The following SVOPL variants were observed in gnomAD, a reference collection of about 807,000 sequenced individuals.
The protein encoded by SVOPL is SVOP like, also known as putative transporter SVOPL.
Under a neutral mutation model 61.0 loss-of-function variants are expected in SVOPL, and 60 were observed. The observed-to-expected ratio is 0.98, with a 90% CI of 0.80 to 1.22. The LOEUF (loss-of-function observed/expected upper bound fraction) is 1.22. Among genes scored for constraint, SVOPL ranks in the 50% most tolerant of loss-of-function variants. SVOPL has a pLI of 0.00. For synonymous variants in SVOPL, 279 were observed against 250.0 expected (o/e 1.12, Z -1.09); for missense variants, 662 against 643.9 (o/e 1.03, Z -0.30).
chr7:138,691,228 G>C (rs1278269501), intron 1 of SVOPL, among the ~76,000 whole-genome samples: 1 of 152,118 alleles, frequency 6.6e-6, no homozygotes, highest in East Asian at 1.9e-4. Flanking sequence ...TAGTATCTAG[G>C]AATAAAACGA....
chr7:138,638,215 G>C (rs1800592587), intron 9 of SVOPL, among the ~76,000 whole-genome samples: 1 of 146,136 alleles, frequency 6.8e-6, no homozygotes, highest in Non-Finnish European at 1.5e-5. Flanking sequence ...GGAGGTTTCA[G>C]TGTGCCGAGA....
chr7:138,696,030 C>T (rs1803057998), intron 1 of SVOPL, among the ~76,000 whole-genome samples: 1 of 152,174 alleles, frequency 6.6e-6, no homozygotes, highest in African/African-American at 2.4e-5. Flanking sequence ...GATCTGCCCA[C>T]CTTGGCCTCC....
intron 3 of SVOPL, 40 bp from the exon 4 acceptor site, chr7:138,672,157 C>T (rs1421753200): frequency 6.6e-7 from 1 of 1,521,948 alleles, no homozygotes; most frequent in East Asian, 2.5e-5. Context: ...TAAGTGCCAG[C>T]TTGTCATCAC....
At chr7:138,647,101 C>T (rs1353913670) in intron 8 of SVOPL, among the ~76,000 whole-genome samples, 4 of 152,176 alleles carry the variant, frequency 2.6e-5, no homozygotes, top group African/African-American at 9.7e-5. Context: ...GATGGCCGGG[C>T]GCAGTGGCTC....
intron 5 of SVOPL, chr7:138,661,273 C>T (rs994880466): frequency 9.6e-5 from 95 of 985,270 alleles, no homozygotes; most frequent in Non-Finnish European, 1.0e-4. Context: ...AGGCACGTGA[C>T]TTTGAGCACG....
intron 3 of SVOPL, among the ~76,000 whole-genome samples, chr7:138,677,900 T>C (rs1303374321): frequency 6.6e-6 from 1 of 152,106 alleles, no homozygotes; most frequent in African/African-American, 2.4e-5. Flanking sequence ...GTAGCTGGGA[T>C]TACAGGCACC....
At chr7:138,623,834 T>TC (rs1413519304) in intron 13 of SVOPL, among the ~76,000 whole-genome samples, 3 of 152,198 alleles carry the variant, frequency 2.0e-5, no homozygotes, top group Non-Finnish European at 4.4e-5. Flanking sequence ...ATTTTTTTTT[T>TC]CTTTTTGAGA....
chr7:138,642,290 A>C (rs976570530), intron 9 of SVOPL, among the ~76,000 whole-genome samples: 4 of 19,320 alleles, frequency 2.1e-4, no homozygotes, highest in South Asian at 1.8e-3. Context: ...AATTAGCCAA[A>C]AAAAAAAAAA....
chr7:138,607,816 G>A (rs568395216), intron 14 of SVOPL, among the ~76,000 whole-genome samples: 56 of 152,198 alleles, frequency 3.7e-4, no homozygotes, highest in Middle Eastern at 3.4e-3. Flanking sequence ...CAGCATCAAG[G>A]GATAAATAGA....
At chr7:138,648,849 G>C (rs567291273) in intron 8 of SVOPL, among the ~76,000 whole-genome samples, 163 bp downstream of exon 8, 4 of 152,194 alleles carry the variant, frequency 2.6e-5, no homozygotes, top group Non-Finnish European at 5.9e-5. Context: ...CTGAACCTGG[G>C]AGGCAGAGGC....
At chr7:138,676,086 T>C (rs1802552573) in intron 3 of SVOPL, among the ~76,000 whole-genome samples, 1 of 152,238 alleles carries the variant, frequency 6.6e-6, no homozygotes, top group South Asian at 2.1e-4. Context: ...TCCACCGGCC[T>C]TGACCTCCCA....
chr7:138,630,557 G>T (rs1800130032), intron 9 of SVOPL, among the ~76,000 whole-genome samples: 1 of 152,198 alleles, frequency 6.6e-6, no homozygotes, highest in South Asian at 2.1e-4. Context: ...GTTGAAAAAG[G>T]AGAGAACGCC....
intron 14 of SVOPL, among the ~76,000 whole-genome samples, chr7:138,611,877 C>A (rs1347364543): frequency 5.1e-5 from 4 of 77,746 alleles, no homozygotes; most frequent in South Asian, 5.7e-4. Flanking sequence ...GCCCGGCCGC[C>A]ACCCCGTCTG....
At position 138,657,449 on chromosome 7, in the gene SVOPL, C is replaced by CT. The variant is rs1421654198; in HGVS notation, c.471-939dup. Among the ~76,000 whole-genome samples the CT allele has an allele frequency of 1.5e-4, 23 of 152,292 alleles. No individual in the cohort carries two copies. The East Asian group carries it at 3.7e-3, about 24-fold the overall frequency. On this transcript the variant is annotated intron_variant, in intron 6 of 15. Transcript: ENST00000674285. ...GAGCCACTGCACTCAGCCTGATTCC[C>CT]TTTTCTAAAACACATTGGGAAATTA...
intron 3 of SVOPL, among the ~76,000 whole-genome samples, chr7:138,672,920 AAAAG>A (rs1157615257): frequency 2.1e-4 from 32 of 151,866 alleles, no homozygotes; most frequent in South Asian, 1.2e-3. Flanking sequence ...AAAAAAAAAA[AAAAG>A]AAGGAGATGC....
At chr7:138,664,382 T>C (rs973774115) in intron 4 of SVOPL, among the ~76,000 whole-genome samples, 19 of 143,236 alleles carry the variant, frequency 1.3e-4, no homozygotes, top group Admixed American at 5.5e-4. Flanking sequence ...CCCCTAATCC[T>C]CCATCGGGCA....
At chr7:138,607,923 CAATAT>C (rs1798826641) in intron 14 of SVOPL, among the ~76,000 whole-genome samples, 1 of 151,984 alleles carries the variant, frequency 6.6e-6, no homozygotes, top group Non-Finnish European at 1.5e-5. Context: ...GTTTAAAAAT[CAATAT>C]TAAAAAAATC....
At chr7:138,677,057 CCA>C (rs1179863638) in intron 3 of SVOPL, among the ~76,000 whole-genome samples, 1 of 152,120 alleles carries the variant, frequency 6.6e-6, no homozygotes, top group Admixed American at 6.5e-5. Context: ...GCGCCCGCCA[CCA>C]TGCCCGTCTC....
At chr7:138,692,157 C>T (rs971675174) in intron 1 of SVOPL, among the ~76,000 whole-genome samples, 1 of 152,070 alleles carries the variant, frequency 6.6e-6, no homozygotes, top group African/African-American at 2.4e-5. Flanking sequence ...GCCTGGGTGA[C>T]AAGAGTGAAA....
Sources: gnomAD v4.1 joint callset for allele counts (sites outside exome capture counted in the v4.1 genomes callset) on GRCh38, gnomAD v4.1.1 for gene constraint, MANE v1.5 for transcripts, NCBI Gene and HGNC (gene_info 2026-07-23, HGNC 2026-07-21) for gene names.